UNC79: variants seen among roughly 807,000 people sequenced by gnomAD.
UNC79 encodes the protein unc-79 subunit of NALCN channel complex.
A neutral mutation model predicts 283.1 loss-of-function variants in UNC79; 37 were observed. That is an observed-to-expected ratio of 0.13 (90% CI 0.10 to 0.17). The LOEUF (loss-of-function observed/expected upper bound fraction) is 0.17. Among genes scored for constraint, UNC79 ranks in the 10% least tolerant of loss-of-function variants. The pLI is 1.00. For missense variants in UNC79, 2,272 were observed against 3,211.1 expected (o/e 0.71, Z 7.07); for synonymous variants, 1,107 against 1,200.2 (o/e 0.92, Z 1.61).
intron 1 of UNC79, among the ~76,000 whole-genome samples, chr14:93,357,696 TATATATATATATATATATATATATGG>T (rs1566889562): frequency 8.6e-6 from 1 of 116,946 alleles, no homozygotes; most frequent in Non-Finnish European, 1.7e-5. Flanking sequence ...TATATATATA[TATATATATATATATATATATATATGG>T]ATATATGGAT....
At chr14:93,631,644 C>T (rs777026565) in intron 31 of UNC79, among the ~76,000 whole-genome samples, 4 of 152,166 alleles carry the variant, frequency 2.6e-5, no homozygotes, top group Admixed American at 6.5e-5. Flanking sequence ...ATGTTGTGTT[C>T]CATGTGGACA....
chr14:93,432,163 T>C (rs2055906626), intron 1 of UNC79, among the ~76,000 whole-genome samples: 1 of 152,236 alleles, frequency 6.6e-6, no homozygotes, highest in African/African-American at 2.4e-5. Context: ...AGTCTCATTA[T>C]TTGAGGGCAA....
rs374217004 is a variant in UNC79, at chr14:93,632,040, A to G, written c.5716+1132A>G. 5.3e-5 allele frequency among the ~76,000 whole-genome samples: 8 copies of G among 152,352 alleles called. 1 individual carries two copies. In the East Asian group the frequency reaches 9.6e-4, roughly 18 times the overall value. On this transcript the variant is annotated intron_variant, in intron 31 of 48. Transcript: ENST00000555664. Reference sequence around the variant, plus strand: ...AGATGTTGTTGGCCCCATATTATAGATTAGGTAATTGAGATCCAGAGAAGC... The same window carrying G: ...AGATGTTGTTGGCCCCATATTATAGGTTAGGTAATTGAGATCCAGAGAAGC...
chr14:93,543,399 A>G (rs1236704258), intron 14 of UNC79, among the ~76,000 whole-genome samples: 1 of 141,784 alleles, frequency 7.1e-6, no homozygotes, highest in Non-Finnish European at 1.5e-5. Context: ...TTTTTTTTTG[A>G]GACAGGGTCT....
At chr14:93,604,665 G>A (rs999848166) in intron 26 of UNC79, among the ~76,000 whole-genome samples, 1 of 152,094 alleles carries the variant, frequency 6.6e-6, no homozygotes. Flanking sequence ...GTTATTTCTT[G>A]TTCATTAATT....
rs1212216093 is a variant in UNC79, at chr14:93,690,482, T to C, written c.7272+179T>C. The C allele has an allele frequency of 6.3e-6, 4 of 631,046 alleles. No individual in the cohort carries two copies. The highest frequency in any genetic ancestry group is 9.7e-6 in the Non-Finnish European group (4 of 411,808). The allele number at this position is 631,046 out of a possible 1,614,324, so 39.1% of individuals were successfully genotyped here. A position where few individuals can be genotyped will look rare whatever the true frequency, so the allele number is the denominator to read the frequency against. ...AAGTTGTTTAGATTCCCAGACTGTC[T>C]TTCCCCCCGCCCCCAAATTGTTTTT... is the stretch of plus-strand genomic sequence containing the variant. On this transcript the variant is annotated intron_variant, in intron 45 of 48. Coordinates refer to ENST00000555664, the Ensembl canonical transcript of UNC79. The surrounding 1 kb of genome is among the most constrained non-coding windows in gnomAD (Gnocchi z 4.3).
Position 93,686,684 on chromosome 14 carries a change from A to C in UNC79, c.6909+23A>C, listed in dbSNP as rs563670830. 14 of 1,613,474 alleles carry C rather than the reference A, an allele frequency of 8.7e-6. No individual in the cohort carries two copies. In the South Asian group the frequency reaches 1.4e-4, roughly 16 times the overall value. On this transcript the variant is annotated intron_variant, in intron 43 of 48. Coordinates refer to ENST00000555664, the Ensembl canonical transcript of UNC79. ...AAGGTGAGATGACCGCCACCTGCTC[A>C]TCCCTCAGGTTCACAAAACAGAGAT...
intron 35 of UNC79, among the ~76,000 whole-genome samples, chr14:93,647,400 G>A (rs1194264589): frequency 2.6e-5 from 4 of 152,178 alleles, no homozygotes; most frequent in African/African-American, 4.8e-5. Flanking sequence ...GAGAGTGCCC[G>A]GAGCTGGTGT....
At chr14:93,347,399 G>A in intron 1 of UNC79, 1 of 1,510,510 alleles carries the variant, frequency 6.6e-7, no homozygotes, top group South Asian at 1.2e-5. Context: ...GCCGCGGTGA[G>A]TTGAGGCCCA....
chr14:93,456,075 G>C (rs2056789780), intron 1 of UNC79, among the ~76,000 whole-genome samples: 1 of 152,032 alleles, frequency 6.6e-6, no homozygotes, highest in Non-Finnish European at 1.5e-5. Flanking sequence ...GCTGGAACAT[G>C]TGGCTAGAAA....
chr14:93,358,932 G>A (rs1420358426), intron 1 of UNC79, among the ~76,000 whole-genome samples: 1 of 152,110 alleles, frequency 6.6e-6, no homozygotes, highest in East Asian at 1.9e-4. Context: ...GGTTGAGAGT[G>A]TTACCCATGA....
In UNC79 at chr14:93,701,563, A is replaced by G. The variant is rs184264696; in HGVS notation, c.7549-3062A>G. Among the ~76,000 whole-genome samples the G allele has an allele frequency of 2.5e-3, 376 of 152,298 alleles. 4 individuals are homozygous for G. The highest frequency in any genetic ancestry group is 8.7e-3 in the African/African-American group (362 of 41,558). On this transcript the variant is annotated intron_variant, in intron 47 of 48. Coordinates refer to ENST00000555664, the Ensembl canonical transcript of UNC79. ...GGGGGGAGAAAAAAAAGCCCAACCAACTTTACTCCATCATAACATTGCAGA... is the reference window on the plus strand; with the variant it reads ...GGGGGGAGAAAAAAAAGCCCAACCAGCTTTACTCCATCATAACATTGCAGA...
chr14:93,593,472 A>G (rs984137023), intron 22 of UNC79, among the ~76,000 whole-genome samples: 2 of 152,202 alleles, frequency 1.3e-5, no homozygotes, highest in Admixed American at 6.5e-5. Flanking sequence ...ATGTTAAGTA[A>G]AAGTGCTTTT....
intron 1 of UNC79, among the ~76,000 whole-genome samples, chr14:93,350,470 T>TA (rs1273454920): frequency 6.6e-6 from 1 of 152,058 alleles, no homozygotes; most frequent in Non-Finnish European, 1.5e-5. Flanking sequence ...AGTAAGAAAG[T>TA]AAAAAATGTT....
chr14:93,627,511 C>G (rs1047363398), intron 30 of UNC79, among the ~76,000 whole-genome samples: 2 of 152,164 alleles, frequency 1.3e-5, no homozygotes. Flanking sequence ...GCCTGCTGAC[C>G]TCGACCTGGA....
intron 31 of UNC79, among the ~76,000 whole-genome samples, chr14:93,631,115 A>G (rs2067998220): frequency 6.6e-6 from 1 of 152,172 alleles, no homozygotes; most frequent in Non-Finnish European, 1.5e-5. Flanking sequence ...TTGATAAATC[A>G]CTATGGTTAC....
chr14:93,556,899 A>G (rs192090105), intron 14 of UNC79, among the ~76,000 whole-genome samples: 61 of 152,308 alleles, frequency 4.0e-4, no homozygotes, highest in Non-Finnish European at 5.4e-4. Context: ...CTGGCATTTA[A>G]GCCTTTTATT....
chr14:93,554,070 G>T (rs2062030702), intron 14 of UNC79, among the ~76,000 whole-genome samples: 1 of 152,208 alleles, frequency 6.6e-6, no homozygotes, highest in Admixed American at 6.5e-5. Flanking sequence ...AGACAGCATG[G>T]CTGGGCATGG....
At chr14:93,369,041 A>G (rs1451403475) in intron 1 of UNC79, among the ~76,000 whole-genome samples, 4 of 152,202 alleles carry the variant, frequency 2.6e-5, no homozygotes, top group African/African-American at 7.2e-5. Flanking sequence ...TGTCATTTCT[A>G]TGATATATTC....
Sources: gnomAD v4.1 joint callset for allele counts (sites outside exome capture counted in the v4.1 genomes callset) on GRCh38, gnomAD v4.1.1 for gene constraint, Gnocchi (gnomAD v3.1) non-coding constraint, MANE v1.5 for transcripts, NCBI Gene and HGNC (gene_info 2026-07-23, HGNC 2026-07-21) for gene names.